Variants in DEFB136 observed in about 807,000 individuals in gnomAD.
The protein encoded by DEFB136 is beta-defensin 136.
Under a neutral mutation model 2.4 loss-of-function variants are expected in DEFB136, and 6 were observed. The ratio of observed to expected loss-of-function variants is 2.45; its 90% CI spans 1.34 to 4.84. DEFB136 has a LOEUF of 4.84. Ranked by LOEUF, DEFB136 falls within the 30% of genes most tolerant of loss-of-function variation. The pLI, the probability that DEFB136 is intolerant of heterozygous loss-of-function variation, is 0.00. For missense variants in DEFB136, 126 were observed against 98.4 expected (o/e 1.28, Z -1.19); for synonymous variants, 47 against 35.2 (o/e 1.33, Z -1.18).
chr8:11,974,319 T>C (rs1040966243), intron 1 of DEFB136, among the ~76,000 whole-genome samples: 4 of 152,170 alleles, frequency 2.6e-5, no homozygotes, highest in African/African-American at 9.7e-5. Context: ...CTGCACGATC[T>C]GTGTGCACAA....
At chr8:11,974,481 T>C (rs1799555781) in intron 1 of DEFB136, 64 bp downstream of exon 1, 3 of 1,582,746 alleles carry the variant, frequency 1.9e-6, no homozygotes, top group Admixed American at 3.3e-5. Context: ...TTAGAGGGTT[T>C]TTTAAGCATC....
chr8:11,974,098 C>A lies in DEFB136; in HGVS notation c.76G>T (p.Asp26Tyr), dbSNP rs757259987. 1 of 1,578,616 alleles carries A rather than the reference C, an allele frequency of 6.3e-7. No individual in the cohort carries two copies. The highest frequency in any genetic ancestry group is 1.2e-5 in the South Asian group (1 of 84,682). The change falls in exon 2 of 2, where the codon GAT (aspartate) becomes TAT (tyrosine). Residue 26 changes from aspartate (D) to tyrosine (Y), a missense_variant. Coordinates refer to ENST00000382209, the MANE Select transcript of DEFB136 (RefSeq NM_001033018.2). Reference protein sequence around the residue: ...LPSGKGMFGNDGVKVRTCTSQ... With the variant: ...LPSGKGMFGNYGVKVRTCTSQ... Reference sequence around the variant, plus strand: ...GTGCAGGTGCGAACTTTGACTCCATCATTCCCAAACATACCTTTTCCTGAA... The same window carrying A: ...GTGCAGGTGCGAACTTTGACTCCATAATTCCCAAACATACCTTTTCCTGAA...
At chr8:11,974,310 T>C (rs1370149994) in intron 1 of DEFB136, among the ~76,000 whole-genome samples, 192 bp from the exon 2 acceptor site, 2 of 152,166 alleles carry the variant, frequency 1.3e-5, no homozygotes, top group African/African-American at 4.8e-5. Flanking sequence ...TCTGGGTGGC[T>C]GCACGATCTG....
Position 11,974,092 on chromosome 8 carries a change from C to A in DEFB136, c.82G>T (p.Val28Phe). The A allele has an allele frequency of 1.3e-6, 2 of 1,585,982 alleles. No individual in the cohort carries two copies. Among genetic ancestry groups the A allele is most frequent in the Non-Finnish European group, 8.6e-7 (1 of 1,168,426 alleles). ...SGKGMFGNDG[V>F]KVRTCTSQKA... ...TGGCTAGTGCAGGTGCGAACTTTGA[C>A]TCCATCATTCCCAAACATACCTTTT... The change falls in exon 2 of 2, where the codon GTC becomes TTC. Residue 28 changes from valine (V) to phenylalanine (F), a missense_variant. Physicochemically the swap from Val to Phe is conservative, Grantham distance 50. Coordinates refer to ENST00000382209, the MANE Select transcript of DEFB136 (RefSeq NM_001033018.2).
chr8:11,974,177 C>G, intron 1 of DEFB136, 59 bp from the exon 2 acceptor site: 10 of 1,495,466 alleles, frequency 6.7e-6, no homozygotes, highest in Non-Finnish European at 8.9e-6. Context: ...TGGGAGAAAT[C>G]CTAGGCTTGC....
intron 1 of DEFB136, among the ~76,000 whole-genome samples, 157 bp downstream of exon 1, chr8:11,974,388 G>A (rs969168531): frequency 1.3e-5 from 2 of 152,230 alleles, no homozygotes; most frequent in Non-Finnish European, 2.9e-5. Context: ...CAACAGCAGA[G>A]CAGGGCAGGA....
rs1799555696 is a variant in DEFB136 at position 11,974,478 on chromosome 8, G to T, written c.55+67C>A. On this transcript the variant is annotated intron_variant, in intron 1 of 1. Transcript: ENST00000382209. ...CTGTTGCTGGGCTTATAGTTAGAGG[G>T]TTTTTTAAGCATCTCAATCTTTGGG... The T allele has an allele frequency of 1.9e-6, 3 of 1,572,278 alleles. No individual in the cohort carries two copies. In the Admixed American group the frequency reaches 5.0e-5, roughly 26 times the overall value.
rs201239250 is a variant in DEFB136, at chr8:11,974,109, A to G, written c.65T>C (p.Met22Thr). ...AACTTTGACTCCATCATTCCCAAAC[A>G]TACCTTTTCCTGAAGCGGGGAGAGA... ...LVILLPSGKG[M>T]FGNDGVKVRT... The change falls in exon 2 of 2, where the codon ATG becomes ACG. Residue 22 changes from methionine (M) to threonine (T), a missense_variant. Coordinates refer to ENST00000382209, the MANE Select transcript of DEFB136 (RefSeq NM_001033018.2). 6.4e-7 allele frequency: 1 copy of G among 1,571,930 alleles called. No individual in the cohort carries two copies. Among genetic ancestry groups the G allele is most frequent in the Non-Finnish European group, 8.6e-7 (1 of 1,160,790 alleles).
In DEFB136 at chr8:11,974,122, A is replaced by T; in HGVS notation, c.56-4T>A. On this transcript the variant is annotated splice_region_variant and splice_polypyrimidine_tract_variant and intron_variant, in intron 1 of 1. Coordinates refer to ENST00000382209, the MANE Select transcript of DEFB136 (RefSeq NM_001033018.2). The stretch of plus-strand genomic sequence containing the variant: ...TCATTCCCAAACATACCTTTTCCTG[A>T]AGCGGGGAGAGACCACAGAAAAGAA... 6.5e-7 allele frequency: 1 copy of T among 1,548,550 alleles called. No homozygotes were observed. The highest frequency in any genetic ancestry group is 1.4e-5 in the African/African-American group (1 of 72,340).
At chr8:11,974,245 T>G (rs925958291) in intron 1 of DEFB136, 127 bp from the exon 2 acceptor site, 140 of 1,255,786 alleles carry the variant, frequency 1.1e-4, no homozygotes, top group Middle Eastern at 2.6e-4. Flanking sequence ...TTATCACAAC[T>G]CAGCAAGGCA....
intron 1 of DEFB136, 28 bp from the exon 2 acceptor site, chr8:11,974,146 A>G (rs1252427446): frequency 6.6e-7 from 1 of 1,522,488 alleles, no homozygotes; most frequent in African/African-American, 1.4e-5. Flanking sequence ...CACAGAAAAG[A>G]AAAATCAATC....
At position 11,974,545 on chromosome 8, in the gene DEFB136, C is replaced by T; in HGVS notation, c.55G>A (p.Gly19Arg). The T allele has an allele frequency of 6.2e-7, 1 of 1,614,100 alleles. No homozygotes were observed. Among genetic ancestry groups the T allele is most frequent in the Non-Finnish European group, 8.5e-7 (1 of 1,179,948 alleles). Reference sequence around the variant, plus strand: ...TTCAGACTCACGCCCACTGTCTTACCTGAAGGCAGTAAGATCACCAGGAAA... The same window carrying T: ...TTCAGACTCACGCCCACTGTCTTACTTGAAGGCAGTAAGATCACCAGGAAA... ...LFFLVILLPS[G>R]KGMFGNDGVK... Residue 19 changes from glycine (G) to arginine (R), a missense_variant and splice_region_variant, in exon 1 of 2, where the codon GGA becomes AGA. Gly to Arg is a moderately radical substitution (Grantham distance 125). Coordinates refer to ENST00000382209, the MANE Select transcript of DEFB136 (RefSeq NM_001033018.2).
intron 1 of DEFB136, among the ~76,000 whole-genome samples, 158 bp from the exon 2 acceptor site, chr8:11,974,276 G>C (rs1799550131): frequency 6.6e-6 from 1 of 152,220 alleles, no homozygotes; most frequent in African/African-American, 2.4e-5. Flanking sequence ...AGGGTAGCCA[G>C]AGGCATTGGA....
chr8:11,974,508 C>A (rs901015798), intron 1 of DEFB136, 37 bp downstream of exon 1: 4 of 1,611,036 alleles, frequency 2.5e-6, no homozygotes, highest in Non-Finnish European at 3.4e-6. Flanking sequence ...TTTGGGAACA[C>A]CCACTTTTAT....
Position 11,974,530 on chromosome 8 carries a change from C to G in DEFB136, c.55+15G>C, listed in dbSNP as rs139413395. 3.7e-6 allele frequency: 6 copies of G among 1,613,708 alleles called. No homozygotes were observed. In the East Asian group the frequency reaches 1.1e-4, roughly 30 times the overall value. ...ACACCCACTTTTATGTTCAGACTCA[C>G]GCCCACTGTCTTACCTGAAGGCAGT... On this transcript the variant is annotated intron_variant, in intron 1 of 1. Transcript: ENST00000382209.
chr8:11,974,126 G>A lies in DEFB136; in HGVS notation c.56-8C>T, dbSNP rs367859071. The A allele has an allele frequency of 1.5e-5, 23 of 1,546,860 alleles. No individual in the cohort carries two copies. The Middle Eastern group carries it at 5.2e-4, about 35-fold the overall frequency. On this transcript the variant is annotated splice_region_variant and splice_polypyrimidine_tract_variant and intron_variant, in intron 1 of 1. Coordinates refer to ENST00000382209, the MANE Select transcript of DEFB136 (RefSeq NM_001033018.2). ...TCCCAAACATACCTTTTCCTGAAGC[G>A]GGGAGAGACCACAGAAAAGAAAAAT...
In DEFB136 at chr8:11,974,072, A is replaced by G. The variant is rs141546107; in HGVS notation, c.102T>C (p.Thr34=). Residue 34 remains threonine (T), a synonymous_variant, in exon 2 of 2, where the codon ACT becomes ACC. Transcript: ENST00000382209. ...CGAAGAAACATACGGCTTTCTGGCT[A>G]GTGCAGGTGCGAACTTTGACTCCAT... is the stretch of plus-strand genomic sequence containing the variant. The part of the protein sequence containing the change: ...GNDGVKVRTC[T]SQKAVCFFGC... 2 of 1,600,572 alleles carry G rather than the reference A, an allele frequency of 1.2e-6. No homozygotes were observed. Among genetic ancestry groups the G allele is most frequent in the African/African-American group, 2.7e-5 (2 of 74,314 alleles).
In DEFB136 at chr8:11,974,053, A is replaced by C; in HGVS notation, c.121T>G (p.Phe41Val). ...RTCTSQKAVCFFGCPPGYRWI... is the reference protein window; with the variant it reads ...RTCTSQKAVCVFGCPPGYRWI... ...CTGTATCCTGGCGGACACCCGAAGA[A>C]ACATACGGCTTTCTGGCTAGTGCAG... is the stretch of plus-strand genomic sequence containing the variant. The change falls in exon 2 of 2, where the codon TTC becomes GTC. Residue 41 changes from phenylalanine to valine, a missense_variant. By Grantham distance (50) the Phe-to-Val change is conservative. Transcript: ENST00000382209. 6.2e-7 allele frequency: 1 copy of C among 1,610,186 alleles called. No individual in the cohort carries two copies. Among genetic ancestry groups the C allele is most frequent in the Non-Finnish European group, 8.5e-7 (1 of 1,178,278 alleles).
rs1164891018 is a variant in DEFB136, at chr8:11,974,552, C to T, written c.48G>A (p.Leu16=). The change falls in exon 1 of 2, where the codon CTG becomes CTA. Residue 16 remains leucine (L), a synonymous_variant. Transcript: ENST00000382209. ...SALLFFLVIL[L]PSGKGMFGND... ...TCACGCCCACTGTCTTACCTGAAGG[C>T]AGTAAGATCACCAGGAAAAAGAGTA... is the stretch of plus-strand genomic sequence containing the variant. The T allele has an allele frequency of 2.5e-6, 4 of 1,614,084 alleles. No individual in the cohort carries two copies. Among genetic ancestry groups the T allele is most frequent in the South Asian group, 1.1e-5 (1 of 91,070 alleles).
Sources: gnomAD v4.1 joint callset for allele counts (sites outside exome capture counted in the v4.1 genomes callset) on GRCh38, gnomAD v4.1.1 for gene constraint, MANE v1.5 for transcripts, NCBI Gene and HGNC (gene_info 2026-07-23, HGNC 2026-07-21) for gene names.